The following CRADD variants were observed in gnomAD, a reference collection of about 807,000 sequenced individuals.
CRADD encodes CARD and death domain containing adaptor protein.
Under a neutral mutation model 15.5 loss-of-function variants are expected in CRADD, and 9 were observed. The ratio of observed to expected loss-of-function variants is 0.58; its 90% CI spans 0.35 to 1.01. The LOEUF is 1.01. Among genes scored for constraint, CRADD ranks in the 50% least tolerant of loss-of-function variants. CRADD has a pLI of 0.02. For missense variants in CRADD, 227 were observed against 250.3 expected (o/e 0.91, Z 0.63); for synonymous variants, 118 against 107.6 (o/e 1.10, Z -0.60).
chr12:93,820,917 A>T (rs1235724593), intron 2 of CRADD, among the ~76,000 whole-genome samples: 6 of 152,176 alleles, frequency 3.9e-5, no homozygotes, highest in Non-Finnish European at 7.3e-5. Flanking sequence ...GCCATTCATC[A>T]GGAAGGAGAT....
chr12:93,682,825 G>A (rs1955347261), intron 2 of CRADD, among the ~76,000 whole-genome samples: 1 of 151,760 alleles, frequency 6.6e-6, no homozygotes, highest in African/African-American at 2.4e-5. Flanking sequence ...AAAAAAAAAA[G>A]GTTTAAGTTG....
At chr12:93,770,008 A>G (rs934367079) in intron 2 of CRADD, among the ~76,000 whole-genome samples, 1 of 151,754 alleles carries the variant, frequency 6.6e-6, no homozygotes, top group East Asian at 1.9e-4. Flanking sequence ...CAACTTACCA[A>G]TCTTTCTCTT....
intron 2 of CRADD, among the ~76,000 whole-genome samples, chr12:93,726,447 G>T (rs574621241): frequency 6.6e-6 from 1 of 152,062 alleles, no homozygotes; most frequent in African/African-American, 2.4e-5. Context: ...TGTTAGGTCT[G>T]TTTATTTGAG....
rs532527636 is a variant in CRADD, at chr12:93,847,869, T to C, written c.299-2101T>C. 2.6e-5 allele frequency among the ~76,000 whole-genome samples: 4 copies of C among 152,342 alleles called. No homozygotes were observed. In the East Asian group the frequency reaches 7.7e-4, roughly 29 times the overall value. ...ACTTTTTTCTGTGCATTAAATTGTG[T>C]GTGTGTATGTTTTCAAGTATGTTAA... On this transcript the variant is annotated intron_variant, in intron 2 of 2. Coordinates refer to ENST00000332896, the MANE Select transcript of CRADD (RefSeq NM_003805.5).
intron 2 of CRADD, among the ~76,000 whole-genome samples, chr12:93,888,102 A>T (rs1465606999): frequency 2.0e-5 from 3 of 152,104 alleles, no homozygotes; most frequent in Non-Finnish European, 4.4e-5. Context: ...GGGGAACTGA[A>T]AGAGATTCAG....
chr12:93,861,492 G>A (rs1401054738), intron 2 of CRADD, among the ~76,000 whole-genome samples: 1 of 152,226 alleles, frequency 6.6e-6, no homozygotes, highest in Non-Finnish European at 1.5e-5. Context: ...CCCTCTTCAA[G>A]TATTGCCTCT....
Position 93,858,392 on chromosome 12 carries a change from TC to T in CRADD, c.299-35656del, listed in dbSNP as rs1371965042. ...TTCAGAGTATGCAAAGCCTGTGTGG[TC>T]CTTGGCAATTAGCCAGTTCCTACAA... On this transcript the variant is annotated intron_variant, in intron 2 of 2. Transcript: ENST00000548483. Among the ~76,000 whole-genome samples the T allele has an allele frequency of 2.0e-5, 3 of 152,328 alleles. No homozygotes were observed. The East Asian group carries it at 5.8e-4, about 29-fold the overall frequency.
intron 2 of CRADD, among the ~76,000 whole-genome samples, chr12:93,768,521 C>A: frequency 6.6e-6 from 1 of 150,974 alleles, no homozygotes; most frequent in Admixed American, 6.6e-5. Flanking sequence ...CTCACTTTCA[C>A]TAGCTTTTGA....
At chr12:93,862,241 A>C (rs1254266972) in intron 2 of CRADD, among the ~76,000 whole-genome samples, 3 of 152,216 alleles carry the variant, frequency 2.0e-5, no homozygotes, top group African/African-American at 2.4e-5. Flanking sequence ...TTTTTTCTAC[A>C]AGGCCCATGG....
intron 2 of CRADD, among the ~76,000 whole-genome samples, chr12:93,893,769 G>C (rs1055589203): frequency 6.6e-6 from 1 of 152,024 alleles, no homozygotes; most frequent in African/African-American, 2.4e-5. Context: ...AGCCAGGCGC[G>C]GTAGCATGTG....
chr12:93,862,740 G>T (rs1242912505), intron 2 of CRADD, among the ~76,000 whole-genome samples: 1 of 152,166 alleles, frequency 6.6e-6, no homozygotes, highest in Non-Finnish European at 1.5e-5. Context: ...AATCAGAAAT[G>T]TGTGGTATTT....
At chr12:93,832,325 T>G (rs10859593) in intron 2 of CRADD, among the ~76,000 whole-genome samples, 28,554 of 152,068 alleles carry the variant, frequency 0.19, 3,485 homozygotes, top group Non-Finnish European at 0.28. Context: ...GTGACATCCA[T>G]ACTTTTTTCA....
intron 2 of CRADD, among the ~76,000 whole-genome samples, chr12:93,684,040 GCCCAGGTTT>G (rs889576182): frequency 2.6e-5 from 4 of 152,112 alleles, no homozygotes; most frequent in African/African-American, 7.2e-5. Context: ...TCTGCAGAGG[GCCCAGGTTT>G]CTGTGTATAC....
intron 2 of CRADD, among the ~76,000 whole-genome samples, chr12:93,701,294 T>TCA (rs1955839131): frequency 1.1e-5 from 1 of 91,874 alleles, no homozygotes; most frequent in Non-Finnish European, 2.0e-5. Flanking sequence ...TCTCTCTCTG[T>TCA]GACACACACA....
At chr12:93,866,225 C>G (rs914819607) in intron 2 of CRADD, among the ~76,000 whole-genome samples, 1 of 151,722 alleles carries the variant, frequency 6.6e-6, no homozygotes, top group Non-Finnish European at 1.5e-5. Flanking sequence ...TTTCATTTAC[C>G]CTGTTTTCTT....
chr12:93,725,739 G>A (rs181124058), intron 2 of CRADD, among the ~76,000 whole-genome samples: 1 of 152,330 alleles, frequency 6.6e-6, no homozygotes, highest in African/African-American at 2.4e-5. Context: ...AGAAGCTGGG[G>A]AGATTTATTT....
At chr12:93,762,880 T>C (rs1348554375) in intron 2 of CRADD, among the ~76,000 whole-genome samples, 1 of 152,162 alleles carries the variant, frequency 6.6e-6, no homozygotes, top group African/African-American at 2.4e-5. Context: ...TCAACTTCCC[T>C]GTGGGGAGGC....
intron 2 of CRADD, among the ~76,000 whole-genome samples, chr12:93,879,906 T>C (rs1308368225): frequency 1.3e-5 from 2 of 152,186 alleles, no homozygotes; most frequent in East Asian, 3.9e-4. Context: ...TGACCTTGGG[T>C]TGATTTTTCT....
chr12:93,688,101 G>A (rs1955480826), intron 2 of CRADD, among the ~76,000 whole-genome samples: 2 of 152,208 alleles, frequency 1.3e-5, no homozygotes, highest in South Asian at 4.1e-4. Flanking sequence ...AAGATGGCTC[G>A]AGGATGGAAG....
Sources: allele counts gnomAD v4.1 joint callset (sites outside exome capture counted in the v4.1 genomes callset), GRCh38; gene constraint gnomAD v4.1.1; transcripts MANE v1.5; gene names NCBI Gene and HGNC (gene_info 2026-07-23, HGNC 2026-07-21).